Variants in PGBD5 observed in about 807,000 individuals in gnomAD.
The protein encoded by PGBD5 is piggyBac transposable element-derived protein 5.
PGBD5 carries 14 observed loss-of-function variants against 47.9 expected under a neutral mutation model. That is an observed-to-expected ratio of 0.29 (90% CI 0.19 to 0.46). The LOEUF is 0.46. PGBD5 is among the 20% of genes least tolerant of loss of function. The pLI, the probability that PGBD5 is intolerant of heterozygous loss-of-function variation, is 1.00. For synonymous variants in PGBD5, 316 were observed against 306.3 expected (o/e 1.03, Z -0.33); for missense variants, 635 against 716.0 (o/e 0.89, Z 1.29).
chr1:230,388,325 T>A (rs1656699015), intron 1 of PGBD5, among the ~76,000 whole-genome samples: 1 of 151,726 alleles, frequency 6.6e-6, no homozygotes. Context: ...TGGGGTTGAG[T>A]GAGACAGGCA....
intron 1 of PGBD5, among the ~76,000 whole-genome samples, chr1:230,413,716 G>C (rs539256689): frequency 1.3e-5 from 2 of 152,210 alleles, no homozygotes; most frequent in Non-Finnish European, 1.5e-5. Context: ...GCTGTCTCCT[G>C]CTGGGTGTTC....
At chr1:230,405,046 T>A (rs1420708434) in intron 1 of PGBD5, among the ~76,000 whole-genome samples, 8 of 145,304 alleles carry the variant, frequency 5.5e-5, no homozygotes, top group African/African-American at 1.8e-4. Context: ...TACAAAAAAA[T>A]TAGCTGGGTG....
At chr1:230,399,914 G>A (rs112119085) in intron 1 of PGBD5, among the ~76,000 whole-genome samples, 1 of 152,234 alleles carries the variant, frequency 6.6e-6, no homozygotes, top group African/African-American at 2.4e-5. Context: ...TCTCTTGCCA[G>A]GTTATGGCGG....
intron 1 of PGBD5, among the ~76,000 whole-genome samples, chr1:230,386,742 CT>C (rs754850345): frequency 3.3e-5 from 5 of 152,108 alleles, no homozygotes; most frequent in Non-Finnish European, 7.4e-5. Context: ...CATTTTTCTT[CT>C]TGATTTGGTA....
At chr1:230,370,682 T>C (rs925720196) in intron 1 of PGBD5, among the ~76,000 whole-genome samples, 3 of 152,180 alleles carry the variant, frequency 2.0e-5, no homozygotes, top group African/African-American at 4.8e-5. Flanking sequence ...GAACTAGAAA[T>C]AGCCCAGATG....
At chr1:230,382,831 G>A (rs1656541375) in intron 1 of PGBD5, among the ~76,000 whole-genome samples, 2 of 152,096 alleles carry the variant, frequency 1.3e-5, no homozygotes, top group Non-Finnish European at 2.9e-5. Context: ...CAGAAAGAAT[G>A]GGGGCATGGG....
At chr1:230,417,333 A>G (rs1036143669) in intron 1 of PGBD5, among the ~76,000 whole-genome samples, 22 of 152,052 alleles carry the variant, frequency 1.4e-4, no homozygotes, top group African/African-American at 4.8e-4. Flanking sequence ...CTAAGTACTC[A>G]TTTCTCAACA....
chr1:230,407,459 T>A (rs1657323273), intron 1 of PGBD5, among the ~76,000 whole-genome samples: 1 of 152,202 alleles, frequency 6.6e-6, no homozygotes, highest in Non-Finnish European at 1.5e-5. Flanking sequence ...TCCTTCTGTA[T>A]CTTGTACAGC....
intron 1 of PGBD5, among the ~76,000 whole-genome samples, chr1:230,422,203 A>T (rs966464616): frequency 6.6e-6 from 1 of 152,094 alleles, no homozygotes; most frequent in Non-Finnish European, 1.5e-5. Context: ...CCAGCCAGCC[A>T]TGACAAAGGA....
intron 1 of PGBD5, among the ~76,000 whole-genome samples, chr1:230,394,357 T>C (rs1656870792): frequency 6.6e-6 from 1 of 151,804 alleles, no homozygotes; most frequent in Admixed American, 6.6e-5. Flanking sequence ...AGGGGGAGCC[T>C]GCTCCTAGGA....
At chr1:230,371,783 G>T (rs1438495959) in intron 1 of PGBD5, among the ~76,000 whole-genome samples, 1 of 152,226 alleles carries the variant, frequency 6.6e-6, no homozygotes, top group Admixed American at 6.5e-5. Context: ...CAGGCACAGA[G>T]CTTGCACAAA....
rs543292262 is a variant in PGBD5 at position 230,328,478 on chromosome 1, T to C, written c.1274-3063A>G. On this transcript the variant is annotated intron_variant, in intron 5 of 6. Coordinates refer to ENST00000391860, the MANE Select transcript of PGBD5 (RefSeq NM_001258311.2). ...CTGTGACATCTTCTGATTGCTAACA[T>C]TGGCAATATTAGCAAGAGGGAATCT... Among the ~76,000 whole-genome samples the C allele has an allele frequency of 1.7e-4, 26 of 152,286 alleles. No individual in the cohort carries two copies. In the South Asian group the frequency reaches 5.0e-3, roughly 29 times the overall value.
intron 1 of PGBD5, among the ~76,000 whole-genome samples, chr1:230,380,444 C>T (rs1656426894): frequency 1.3e-5 from 2 of 152,196 alleles, no homozygotes; most frequent in African/African-American, 4.8e-5. Context: ...CTTCCAGGTG[C>T]TCACCCTAAA....
Position 230,401,111 on chromosome 1 carries a change from G to A in PGBD5, c.331+24487C>T, listed in dbSNP as rs1657128666. Among the ~76,000 whole-genome samples the A allele has an allele frequency of 2.0e-5, 3 of 152,196 alleles. No individual in the cohort carries two copies. The South Asian group carries it at 6.2e-4, about 31-fold the overall frequency. ...ACCTGATACCTAACATTTACCAGAAGGCACAGCCCTACGCAGATGGTCAGG... is the reference window on the plus strand; with the variant it reads ...ACCTGATACCTAACATTTACCAGAAAGCACAGCCCTACGCAGATGGTCAGG... On this transcript the variant is annotated intron_variant, in intron 1 of 6. Coordinates refer to ENST00000391860, the MANE Select transcript of PGBD5 (RefSeq NM_001258311.2).
rs78973832 is a variant in PGBD5, at chr1:230,399,226, T to C, written c.331+26372A>G. On this transcript the variant is annotated intron_variant, in intron 1 of 6. Transcript: ENST00000391860. The stretch of plus-strand genomic sequence containing the variant: ...ACGGCCCATGTAATGACCGGCAAGC[T>C]TAAGCTGAACAATTATTGTATATCT... 8.4e-3 allele frequency among the ~76,000 whole-genome samples: 1,273 copies of C among 152,286 alleles called. 19 individuals carry two copies. Among genetic ancestry groups the C allele is most frequent in the African/African-American group, 0.029 (1,226 of 41,568 alleles).
Position 230,323,134 on chromosome 1 carries a change from C to T in PGBD5, c.*291G>A, listed in dbSNP as rs1380060952. 7.7e-6 allele frequency: 3 copies of T among 390,078 alleles called. No homozygotes were observed. In the Admixed American group the frequency reaches 1.3e-4, roughly 17 times the overall value. 24.2% of individuals were successfully genotyped at this position (390,078 alleles called of 1,614,324 possible). A position where few individuals can be genotyped will look rare whatever the true frequency, so the allele number is the denominator to read the frequency against. The stretch of plus-strand genomic sequence containing the variant: ...TCACAGTCACCAGTCCACGCTGCCT[C>T]GCAAGCTCCACGGATGTCATGAGAG... On this transcript the variant is annotated 3_prime_UTR_variant, in exon 7 of 7. Coordinates refer to ENST00000391860, the MANE Select transcript of PGBD5 (RefSeq NM_001258311.2). The surrounding 1 kb of genome is among the most constrained non-coding windows in gnomAD (Gnocchi z 4.1).
chr1:230,380,834 A>AGCTTAAGT (rs1180577325), intron 1 of PGBD5, among the ~76,000 whole-genome samples: 4 of 152,222 alleles, frequency 2.6e-5, no homozygotes, highest in Non-Finnish European at 5.9e-5. Context: ...GTCAAGAGAA[A>AGCTTAAGT]GCTTAAGTGG....
At chr1:230,391,031 C>T (rs1487073193) in intron 1 of PGBD5, among the ~76,000 whole-genome samples, 4 of 152,042 alleles carry the variant, frequency 2.6e-5, no homozygotes, top group Admixed American at 2.0e-4. Context: ...TGAGCTACCA[C>T]GCCCAGCCTC....
intron 1 of PGBD5, among the ~76,000 whole-genome samples, chr1:230,424,487 C>G (rs1657727017): frequency 6.6e-6 from 1 of 152,252 alleles, no homozygotes; most frequent in South Asian, 2.1e-4. Context: ...CTAACCCTAC[C>G]GGCCTCCCAG....
Sources: gnomAD v4.1 joint callset for allele counts (sites outside exome capture counted in the v4.1 genomes callset) on GRCh38, gnomAD v4.1.1 for gene constraint, Gnocchi (gnomAD v3.1) non-coding constraint, MANE v1.5 for transcripts, NCBI Gene and HGNC (gene_info 2026-07-23, HGNC 2026-07-21) for gene names.